Variants in UBE2E2 observed in about 807,000 individuals in gnomAD.
UBE2E2 encodes ubiquitin-conjugating enzyme E2 E2.
In UBE2E2, 6 loss-of-function variants were observed where a neutral mutation model predicts 24.7. That is an observed-to-expected ratio of 0.24 (90% CI 0.13 to 0.48). The LOEUF (loss-of-function observed/expected upper bound fraction) is 0.48, where lower values mean the gene tolerates loss of function less well. UBE2E2 is among the 20% of genes least tolerant of loss of function. The pLI is 0.99. For missense variants in UBE2E2, 169 were observed against 245.0 expected (o/e 0.69, Z 2.07); for synonymous variants, 104 against 83.6 (o/e 1.24, Z -1.33).
intron 3 of UBE2E2, among the ~76,000 whole-genome samples, chr3:23,297,843 T>A (rs1438737878): frequency 6.6e-6 from 1 of 152,184 alleles, no homozygotes; most frequent in Non-Finnish European, 1.5e-5. Flanking sequence ...GGTAGCTTGA[T>A]GGGGATGGCA....
At chr3:23,273,480 G>A (rs1383578955) in intron 3 of UBE2E2, among the ~76,000 whole-genome samples, 5 of 150,242 alleles carry the variant, frequency 3.3e-5, no homozygotes, top group South Asian at 2.1e-4. Flanking sequence ...GCAGTGAGCC[G>A]AGATTGCGCC....
chr3:23,568,734 CATATAT>C (rs147246103), intron 5 of UBE2E2, among the ~76,000 whole-genome samples: 27,868 of 130,036 alleles, frequency 0.21, 3,555 homozygotes, highest in East Asian at 0.32. Flanking sequence ...TATATGTATA[CATATAT>C]ATATATATAT....
At position 23,532,546 on chromosome 3, in the gene UBE2E2, T is replaced by C. The variant is rs1017076956; in HGVS notation, c.361-8T>C. 9.3e-6 allele frequency: 14 copies of C among 1,504,678 alleles called. No homozygotes were observed. Among genetic ancestry groups the C allele is most frequent in the Non-Finnish European group, 1.3e-5 (14 of 1,106,846 alleles). 93.2% of individuals were successfully genotyped at this position (1,504,678 alleles called of 1,614,324 possible). Reference sequence around the variant, plus strand: ...TCTAACAAAATATAACTTTACATTTTCTTGTAGGTTACCTTCCGAACAAGA... The same window carrying C: ...TCTAACAAAATATAACTTTACATTTCCTTGTAGGTTACCTTCCGAACAAGA... On this transcript the variant is annotated splice_polypyrimidine_tract_variant and splice_region_variant and intron_variant, in intron 4 of 5. Coordinates refer to ENST00000396703, the MANE Select transcript of UBE2E2 (RefSeq NM_152653.4).
chr3:23,358,787 G>T (rs1310684450), intron 3 of UBE2E2, among the ~76,000 whole-genome samples: 2 of 152,124 alleles, frequency 1.3e-5, no homozygotes, highest in Non-Finnish European at 2.9e-5. Context: ...TTAAGTTATT[G>T]TGCCATTGTG....
chr3:23,413,386 A>G (rs1019379542), intron 3 of UBE2E2, among the ~76,000 whole-genome samples: 2 of 152,094 alleles, frequency 1.3e-5, no homozygotes, highest in African/African-American at 4.8e-5. Flanking sequence ...ATAAGTCTTC[A>G]GGGGAGAGAT....
intron 3 of UBE2E2, among the ~76,000 whole-genome samples, chr3:23,433,000 G>A (rs1404615717): frequency 6.6e-6 from 1 of 151,878 alleles, no homozygotes; most frequent in Non-Finnish European, 1.5e-5. Flanking sequence ...AGCTTATGAT[G>A]CCATTAACAG....
intron 4 of UBE2E2, among the ~76,000 whole-genome samples, chr3:23,506,829 C>T (rs536229143): frequency 2.6e-5 from 4 of 152,220 alleles, no homozygotes; most frequent in Admixed American, 1.3e-4. Context: ...AATGGGGTTT[C>T]GCCATGTTGC....
At chr3:23,517,735 A>G (rs1694774313) in intron 4 of UBE2E2, among the ~76,000 whole-genome samples, 1 of 152,188 alleles carries the variant, frequency 6.6e-6, no homozygotes, top group Non-Finnish European at 1.5e-5. Flanking sequence ...AGTTTTGTAA[A>G]ATGAAGTTGG....
chr3:23,444,750 T>A (rs1698388416), intron 3 of UBE2E2, among the ~76,000 whole-genome samples: 1 of 152,210 alleles, frequency 6.6e-6, no homozygotes, highest in South Asian at 2.1e-4. Context: ...TATTTGTGAA[T>A]GGAGTGTACG....
intron 3 of UBE2E2, among the ~76,000 whole-genome samples, chr3:23,218,339 A>G (rs2125322953): frequency 6.6e-6 from 1 of 152,254 alleles, no homozygotes; most frequent in East Asian, 1.9e-4. Flanking sequence ...ACTCAAATAG[A>G]ACAAATATTT....
At chr3:23,445,184 T>C (rs1698399113) in intron 3 of UBE2E2, among the ~76,000 whole-genome samples, 1 of 152,222 alleles carries the variant, frequency 6.6e-6, no homozygotes, top group Non-Finnish European at 1.5e-5. Flanking sequence ...ATGTCAACTC[T>C]GTGGTGGCCC....
intron 3 of UBE2E2, among the ~76,000 whole-genome samples, chr3:23,391,918 C>T (rs752367985): frequency 2.0e-5 from 3 of 152,062 alleles, no homozygotes; most frequent in Non-Finnish European, 4.4e-5. Flanking sequence ...ATTATGTACC[C>T]ATTGAATATA....
At chr3:23,251,051 G>T (rs1559456384) in intron 3 of UBE2E2, among the ~76,000 whole-genome samples, 1 of 152,108 alleles carries the variant, frequency 6.6e-6, no homozygotes, top group Non-Finnish European at 1.5e-5. Flanking sequence ...TAAAGACAGG[G>T]TCTTGCTATG....
At chr3:23,246,112 AT>A (rs1697389549) in intron 3 of UBE2E2, among the ~76,000 whole-genome samples, 1 of 152,080 alleles carries the variant, frequency 6.6e-6, no homozygotes, top group African/African-American at 2.4e-5. Flanking sequence ...TGGTGTGATC[AT>A]GGCTCGCCGA....
At chr3:23,356,691 C>G (rs1695964598) in intron 3 of UBE2E2, among the ~76,000 whole-genome samples, 1 of 152,202 alleles carries the variant, frequency 6.6e-6, no homozygotes, top group South Asian at 2.1e-4. Context: ...AGAAAATCTT[C>G]TCATATCAAT....
intron 3 of UBE2E2, among the ~76,000 whole-genome samples, chr3:23,294,551 A>G (rs1698855487): frequency 7.7e-6 from 1 of 130,088 alleles, no homozygotes; most frequent in Non-Finnish European, 1.7e-5. Context: ...GATTATTTGT[A>G]TCTTTTTATT....
intron 3 of UBE2E2, among the ~76,000 whole-genome samples, chr3:23,362,254 G>T (rs780921002): frequency 6.6e-6 from 1 of 152,160 alleles, no homozygotes; most frequent in Non-Finnish European, 1.5e-5. Flanking sequence ...TCAGTGTGGA[G>T]CCAGGAGAAC....
Position 23,591,652 on chromosome 3 carries a change from A to G in UBE2E2, c.*1821A>G, listed in dbSNP as rs1272904448. 2 of 152,238 alleles carry G rather than the reference A, an allele frequency of 1.3e-5. No individual in the cohort carries two copies. The highest frequency in any genetic ancestry group is 6.5e-5 in the Admixed American group (1 of 15,290). 9.4% of individuals were successfully genotyped at this position (152,238 alleles called of 1,614,324 possible). ...TTCCAGTGAAACTTTATTTACCACC[A>G]TAGGCATGGGATTTGGCCCATGGGT... On this transcript the variant is annotated 3_prime_UTR_variant, in exon 6 of 6. Transcript: ENST00000396703.
At chr3:23,243,907 C>G (rs549498321) in intron 3 of UBE2E2, among the ~76,000 whole-genome samples, 1 of 151,862 alleles carries the variant, frequency 6.6e-6, no homozygotes, top group Non-Finnish European at 1.5e-5. Flanking sequence ...GCCTTAGGAT[C>G]GTTCTTTTAC....
Sources: gnomAD v4.1 joint callset for allele counts (sites outside exome capture counted in the v4.1 genomes callset) on GRCh38, gnomAD v4.1.1 for gene constraint, MANE v1.5 for transcripts, NCBI Gene and HGNC (gene_info 2026-07-23, HGNC 2026-07-21) for gene names.